Variants in FAR2 observed in about 807,000 individuals in gnomAD.
FAR2 encodes the protein fatty acyl-CoA reductase 2, also known as epididymis secretory protein Li 81.
Under a neutral mutation model 56.0 loss-of-function variants are expected in FAR2, and 19 were observed. That is an observed-to-expected ratio of 0.34 (90% CI 0.24 to 0.50). FAR2 has a LOEUF of 0.50. FAR2 is among the 20% of genes least tolerant of loss of function. The pLI is 0.98. For missense variants in FAR2, 508 were observed against 642.2 expected, an observed-to-expected ratio of 0.79 and a Z score of 2.26; for synonymous variants, 219 against 218.8, an observed-to-expected ratio of 1.00 and a Z score of -0.01.
At chr12:29,232,131 G>T (rs1947868875) in intron 1 of FAR2, among the ~76,000 whole-genome samples, 1 of 152,188 alleles carries the variant, frequency 6.6e-6, no homozygotes, top group African/African-American at 2.4e-5. Flanking sequence ...AGGGTCCCAA[G>T]ACTGAACTAT....
chr12:29,157,755 T>C (rs1949742819), intron 1 of FAR2, among the ~76,000 whole-genome samples: 1 of 152,232 alleles, frequency 6.6e-6, no homozygotes. Flanking sequence ...CCAGGTATCC[T>C]TGAAAGCAAG....
intron 1 of FAR2, among the ~76,000 whole-genome samples, chr12:29,207,850 C>G (rs80098566): frequency 0.014 from 2,076 of 152,224 alleles, 42 homozygotes; most frequent in African/African-American, 0.048. Flanking sequence ...CACTACTGTC[C>G]TAATGCAGGA....
intron 1 of FAR2, among the ~76,000 whole-genome samples, chr12:29,264,652 T>G (rs1325468884): frequency 9.3e-6 from 1 of 107,270 alleles, no homozygotes; most frequent in African/African-American, 4.0e-5. Context: ...AATAAATAAA[T>G]AAATAAAGGA....
chr12:29,191,981 TCTTA>T (rs1471245579), intron 1 of FAR2, among the ~76,000 whole-genome samples: 1 of 152,254 alleles, frequency 6.6e-6, no homozygotes, highest in Non-Finnish European at 1.5e-5. Context: ...AATAGTGGAC[TCTTA>T]CTTATCAGAA....
chr12:29,159,805 T>C (rs142337748), intron 1 of FAR2, among the ~76,000 whole-genome samples: 2 of 152,272 alleles, frequency 1.3e-5, no homozygotes, highest in Admixed American at 1.3e-4. Context: ...AGTACTTAAG[T>C]GCTAATCCTT....
chr12:29,317,821 A>G (rs1018850934), intron 9 of FAR2: 2 of 152,646 alleles, frequency 1.3e-5, no homozygotes, highest in African/African-American at 4.8e-5. Flanking sequence ...CAAATGGGGA[A>G]ATAGAAGCTA....
intron 2 of FAR2, chr12:29,291,405 C>T: frequency 2.2e-6 from 1 of 456,016 alleles, no homozygotes; most frequent in Non-Finnish European, 4.4e-6. Context: ...TTTGATTTTT[C>T]ATGCCTACAG....
At chr12:29,241,545 T>A (rs1343366611) in intron 1 of FAR2, among the ~76,000 whole-genome samples, 1 of 152,218 alleles carries the variant, frequency 6.6e-6, no homozygotes, top group Non-Finnish European at 1.5e-5. Flanking sequence ...CAGCTAATTC[T>A]CTTATTTCTT....
chr12:29,191,306 C>T (rs1051476785), intron 1 of FAR2, among the ~76,000 whole-genome samples: 1 of 152,170 alleles, frequency 6.6e-6, no homozygotes. Context: ...CTACCAGCCC[C>T]GCAAGGGAAA....
intron 1 of FAR2, among the ~76,000 whole-genome samples, chr12:29,249,694 T>A (rs943928420): frequency 6.6e-6 from 1 of 152,212 alleles, no homozygotes; most frequent in African/African-American, 2.4e-5. Context: ...ATAGTATCCA[T>A]TTGCTACTAT....
intron 1 of FAR2, among the ~76,000 whole-genome samples, chr12:29,178,946 T>G (rs567802371): frequency 6.6e-6 from 1 of 152,262 alleles, no homozygotes; most frequent in South Asian, 2.1e-4. Context: ...CAGGGTTGGT[T>G]CCTTCTGAGG....
intron 1 of FAR2, among the ~76,000 whole-genome samples, chr12:29,228,365 C>T (rs1947803068): frequency 1.4e-5 from 2 of 147,560 alleles, no homozygotes; most frequent in Admixed American, 6.8e-5. Context: ...GGCACTCTTT[C>T]TTAGAATTAA....
chr12:29,311,078 A>C lies in FAR2; in HGVS notation c.819A>C (p.Ala273=), dbSNP rs867786353. 15 of 1,613,710 alleles carry C rather than the reference A, an allele frequency of 9.3e-6. No individual in the cohort carries two copies. In the Middle Eastern group the frequency reaches 9.9e-4, roughly 107 times the overall value. The change falls in exon 7 of 12, where the codon GCA becomes GCC. Residue 273 remains alanine, a synonymous_variant. Transcript: ENST00000536681. The part of the protein sequence containing the change: ...RAIKATPMAV[A]DVIPVDTVVN... The stretch of plus-strand genomic sequence containing the variant: ...TAAAAGCTACTCCAATGGCTGTGGC[A>C]GACGTAATTCCAGTTGATACAGTCG...
At chr12:29,193,847 C>A (rs1245665840) in intron 1 of FAR2, among the ~76,000 whole-genome samples, 1 of 152,142 alleles carries the variant, frequency 6.6e-6, no homozygotes, top group Non-Finnish European at 1.5e-5. Context: ...AGTAGCTGTA[C>A]CATTTTGTAT....
At chr12:29,284,234 T>C (rs181213508) in intron 2 of FAR2, among the ~76,000 whole-genome samples, 1 of 152,324 alleles carries the variant, frequency 6.6e-6, no homozygotes, top group Admixed American at 6.5e-5. Context: ...ATTGAGATAA[T>C]ACCAAAAATG....
At chr12:29,304,797 T>A (rs1321878956) in intron 4 of FAR2, among the ~76,000 whole-genome samples, 1 of 152,246 alleles carries the variant, frequency 6.6e-6, no homozygotes, top group Non-Finnish European at 1.5e-5. Context: ...TCTGAAGCAA[T>A]TCAAGTTTAG....
chr12:29,295,245 T>C (rs756577248), intron 3 of FAR2, among the ~76,000 whole-genome samples: 1 of 152,146 alleles, frequency 6.6e-6, no homozygotes, highest in Non-Finnish European at 1.5e-5. Context: ...AGCTAATTTT[T>C]GTATTTTTGG....
intron 1 of FAR2, among the ~76,000 whole-genome samples, chr12:29,247,881 A>G (rs1948153080): frequency 6.6e-6 from 1 of 152,254 alleles, no homozygotes; most frequent in Non-Finnish European, 1.5e-5. Context: ...TTATCTGTGC[A>G]TGCATTTACA....
At chr12:29,207,101 T>C (rs529086975) in intron 1 of FAR2, among the ~76,000 whole-genome samples, 32 of 152,140 alleles carry the variant, frequency 2.1e-4, no homozygotes, top group Non-Finnish European at 3.8e-4. Context: ...GACTCTTAAA[T>C]GGTCTTGCAT....
Sources: gnomAD v4.1 joint callset for allele counts (sites outside exome capture counted in the v4.1 genomes callset) on GRCh38, gnomAD v4.1.1 for gene constraint, MANE v1.5 for transcripts, NCBI Gene and HGNC (gene_info 2026-07-23, HGNC 2026-07-21) for gene names.